HKDC1: variants seen among roughly 807,000 people sequenced by gnomAD.
The protein encoded by HKDC1 is hexokinase domain containing 1.
In HKDC1, 66 loss-of-function variants were observed where a neutral mutation model predicts 96.6. The ratio of observed to expected loss-of-function variants is 0.68; its 90% CI spans 0.56 to 0.84. The LOEUF (loss-of-function observed/expected upper bound fraction) is 0.84, where lower values mean the gene tolerates loss of function less well. Among genes scored for constraint, HKDC1 ranks in the 40% least tolerant of loss-of-function variants. The pLI is 0.00. For synonymous variants in HKDC1, 466 were observed against 473.1 expected (o/e 0.98, Z 0.20); for missense variants, 1,211 against 1,208.1 (o/e 1.00, Z -0.04).
At position 69,220,407 on chromosome 10, in the gene HKDC1, C is replaced by T. The variant is rs199508244; in HGVS notation, c.-29C>T. 2.1e-4 allele frequency: 327 copies of T among 1,569,690 alleles called. No homozygotes were observed. The Middle Eastern group carries it at 6.3e-3, about 30-fold the overall frequency. On this transcript the variant is annotated 5_prime_UTR_variant, in exon 1 of 18. Coordinates refer to ENST00000354624, the MANE Select transcript of HKDC1 (RefSeq NM_025130.4). ...TGAACACTGCACAGGAATCTCTGCCCATCTCAGGAGAAACCAAACTTGGGG... is the reference window on the plus strand; with the variant it reads ...TGAACACTGCACAGGAATCTCTGCCTATCTCAGGAGAAACCAAACTTGGGG...
Position 69,227,332 on chromosome 10 carries a change from G to A in HKDC1, c.189G>A (p.Met63Ile). ...KDTNPTAAVK[M>I]LPTFVRAIPD... ...CCAACCCCACGGCTGCAGTGAAGAT[G>A]TTGCCCACCTTCGTCAGGGCCATTC... is the stretch of plus-strand genomic sequence containing the variant. The change falls in exon 2 of 18, where the codon ATG becomes ATA. Residue 63 changes from methionine (M) to isoleucine (I), a missense_variant. By Grantham distance (10) the Met-to-Ile change is conservative. Coordinates refer to ENST00000354624, the MANE Select transcript of HKDC1 (RefSeq NM_025130.4). 1 of 1,614,214 alleles carries A rather than the reference G, an allele frequency of 6.2e-7. No homozygotes were observed. The highest frequency in any genetic ancestry group is 1.1e-5 in the South Asian group (1 of 91,082).
intron 12 of HKDC1, among the ~76,000 whole-genome samples, chr10:69,255,335 A>G (rs1843701980): frequency 6.6e-6 from 1 of 152,248 alleles, no homozygotes; most frequent in South Asian, 2.1e-4. Context: ...ACCAACCAGG[A>G]AAGGAGCCAG....
chr10:69,223,494 C>T (rs978811236), intron 1 of HKDC1, among the ~76,000 whole-genome samples: 1 of 151,984 alleles, frequency 6.6e-6, no homozygotes, highest in Non-Finnish European at 1.5e-5. Context: ...AGTGGATATG[C>T]CATAATGTAG....
chr10:69,250,576 A>G lies in HKDC1; in HGVS notation c.1760A>G (p.Tyr587Cys), dbSNP rs1843625717. 1.2e-6 allele frequency: 2 copies of G among 1,614,014 alleles called. No homozygotes were observed. Among genetic ancestry groups the G allele is most frequent in the East Asian group, 4.5e-5 (2 of 44,896 alleles). ...IVQCIADFLDYMGLKGASLPL... is the reference protein window; with the variant it reads ...IVQCIADFLDCMGLKGASLPL... ...CAGTGCATCGCCGACTTCCTGGACT[A>G]CATGGGCCTCAAGGGAGCCTCCCTA... Residue 587 changes from tyrosine to cysteine, a missense_variant, in exon 12 of 18, where the codon TAC (tyrosine) becomes TGC (cysteine). Tyr to Cys is a radical substitution (Grantham distance 194). Transcript: ENST00000354624.
chr10:69,250,264 T>C, intron 10 of HKDC1, 26 bp from the exon 11 acceptor site: 8 of 1,602,498 alleles, frequency 5.0e-6, no homozygotes, highest in Non-Finnish European at 6.8e-6. Context: ...TGTCATGGAA[T>C]GCAGCTGCTG....
chr10:69,229,012 C>G (rs1434260054), intron 2 of HKDC1, among the ~76,000 whole-genome samples: 4 of 152,188 alleles, frequency 2.6e-5, no homozygotes, highest in African/African-American at 9.7e-5. Context: ...GAGAAAGCTG[C>G]CATTTACTGA....
chr10:69,251,466 G>A (rs1157761398), intron 12 of HKDC1, among the ~76,000 whole-genome samples: 3 of 151,976 alleles, frequency 2.0e-5, no homozygotes, highest in Non-Finnish European at 4.4e-5. Context: ...TTGGCTATTC[G>A]GCACTCCTTC....
chr10:69,243,191 C>T lies in HKDC1; in HGVS notation c.701C>T (p.Thr234Ile), dbSNP rs755874155. 3 of 1,614,198 alleles carry T rather than the reference C, an allele frequency of 1.9e-6. No homozygotes were observed. Among genetic ancestry groups the T allele is most frequent in the Non-Finnish European group, 1.7e-6 (2 of 1,180,016 alleles). ...CEVGVIIGTG[T>I]NACYMEDMSN... ...CTGATCCCTGGTTCAGGAACTGGCA[C>T]CAATGCGTGTTACATGGAGGACATG... Residue 234 changes from threonine to isoleucine, a missense_variant, in exon 7 of 18, where the codon ACC becomes ATC. Physicochemically the swap from Thr to Ile is moderately conservative, Grantham distance 89. Transcript: ENST00000354624.
intron 17 of HKDC1, 21 bp from the exon 18 acceptor site, chr10:69,266,589 G>A (rs997233662): frequency 1.2e-6 from 2 of 1,612,190 alleles, no homozygotes; most frequent in African/African-American, 1.3e-5. Context: ...GGCTGATGAT[G>A]TTTCTTTCTC....
chr10:69,251,252 G>A (rs978871877), intron 12 of HKDC1, among the ~76,000 whole-genome samples: 2 of 151,466 alleles, frequency 1.3e-5, no homozygotes, highest in African/African-American at 4.9e-5. Context: ...CTACCTCCAC[G>A]CCTGGCTAAT....
chr10:69,245,050 C>T (rs983631823), intron 7 of HKDC1, among the ~76,000 whole-genome samples: 7 of 151,966 alleles, frequency 4.6e-5, no homozygotes, highest in Non-Finnish European at 7.4e-5. Flanking sequence ...TACAGGCATG[C>T]GCCACCATGC....
intron 14 of HKDC1, among the ~76,000 whole-genome samples, chr10:69,257,783 C>T (rs962181534): frequency 6.6e-6 from 1 of 152,070 alleles, no homozygotes; most frequent in African/African-American, 2.4e-5. Flanking sequence ...CTCTTCTGTT[C>T]TCTGAATTCT....
chr10:69,265,854 G>T, intron 17 of HKDC1, 36 bp downstream of exon 17: 1 of 1,487,286 alleles, frequency 6.7e-7, no homozygotes, highest in South Asian at 1.2e-5. Flanking sequence ...GGTGGGGCTG[G>T]GGAGGGCTGG....
At chr10:69,253,135 T>C (rs1843670310) in intron 12 of HKDC1, among the ~76,000 whole-genome samples, 1 of 152,086 alleles carries the variant, frequency 6.6e-6, no homozygotes, top group African/African-American at 2.4e-5. Flanking sequence ...CATGGTTTTT[T>C]TGGTAAACTA....
In HKDC1 at chr10:69,248,567, T is replaced by C. The variant is rs756934111; in HGVS notation, c.1409T>C (p.Ile470Thr). 10 of 1,614,080 alleles carry C rather than the reference T, an allele frequency of 6.2e-6. No individual in the cohort carries two copies. In the South Asian group the frequency reaches 8.8e-5, roughly 14 times the overall value. Residue 470 changes from isoleucine to threonine, a missense_variant, in exon 10 of 18, where the codon ATC becomes ACC. Coordinates refer to ENST00000354624, the MANE Select transcript of HKDC1 (RefSeq NM_025130.4). ...CGCGTGCAGGCCCAGCGGAAGCAGA[T>C]CGACAGGGTGCTGGCTTTGTTCCAG... is the stretch of plus-strand genomic sequence containing the variant. ...ASRVQAQRKQ[I>T]DRVLALFQLT... is the part of the protein sequence containing the mutation.
chr10:69,240,532 G>A, intron 5 of HKDC1, 120 bp from the exon 6 acceptor site: 2 of 728,018 alleles, frequency 2.7e-6, no homozygotes, highest in South Asian at 1.7e-5. Flanking sequence ...GACAGGCCCA[G>A]CAGGCAGGAT....
chr10:69,258,101 T>C (rs1843747909), intron 14 of HKDC1, among the ~76,000 whole-genome samples: 1 of 152,182 alleles, frequency 6.6e-6, no homozygotes, highest in Admixed American at 6.5e-5. Flanking sequence ...AACAAGGAGA[T>C]GGGGATGTAC....
Position 69,233,063 on chromosome 10 carries a change from A to T in HKDC1, c.425A>T (p.Asp142Val), listed in dbSNP as rs762825958. 6.2e-7 allele frequency: 1 copy of T among 1,614,208 alleles called. No individual in the cohort carries two copies. The highest frequency in any genetic ancestry group is 1.3e-5 in the African/African-American group (1 of 75,058). The change falls in exon 4 of 18, where the codon GAT (aspartate) becomes GTT (valine). Residue 142 changes from aspartate to valine, a missense_variant. Coordinates refer to ENST00000354624, the MANE Select transcript of HKDC1 (RefSeq NM_025130.4). The stretch of plus-strand genomic sequence containing the variant: ...CTGGCAGATTTCATGAAGACCAAAG[A>T]TTTAAAGCATAAGAAATTGCCCCTT... ...DCLADFMKTK[D>V]LKHKKLPLGL...
intron 5 of HKDC1, among the ~76,000 whole-genome samples, chr10:69,240,305 T>C (rs1019082897): frequency 1.3e-5 from 2 of 151,956 alleles, no homozygotes; most frequent in East Asian, 1.9e-4. Flanking sequence ...CTGGGCAACA[T>C]AGTGAGACCC....
Sources: allele counts gnomAD v4.1 joint callset (sites outside exome capture counted in the v4.1 genomes callset), GRCh38; gene constraint gnomAD v4.1.1; transcripts MANE v1.5; gene names NCBI Gene and HGNC (gene_info 2026-07-23, HGNC 2026-07-21).